The following B3GALNT2 variants were observed in gnomAD, a reference collection of about 807,000 sequenced individuals.
The protein encoded by B3GALNT2 is beta-1,3-N-acetylgalactosaminyltransferase 2.
In B3GALNT2, 53 loss-of-function variants were observed where a neutral mutation model predicts 61.1. That is an observed-to-expected ratio of 0.87 (90% CI 0.70 to 1.09). The LOEUF (loss-of-function observed/expected upper bound fraction) is 1.09, where lower values mean the gene tolerates loss of function less well. Among genes scored for constraint, B3GALNT2 ranks in the 50% least tolerant of loss-of-function variants. The probability of loss-of-function intolerance (pLI) is 0.00; values close to 1 mark genes in which losing one functional copy is unlikely to be tolerated. For synonymous variants in B3GALNT2, 223 were observed against 237.4 expected (o/e 0.94, Z 0.56); for missense variants, 544 against 623.0 (o/e 0.87, Z 1.35).
chr1:235,485,394 G>A (rs932213324), intron 3 of B3GALNT2, among the ~76,000 whole-genome samples: 16 of 152,182 alleles, frequency 1.1e-4, no homozygotes, highest in Non-Finnish European at 2.2e-4. Context: ...GCTTATTGCA[G>A]TCTCAACCTC....
chr1:235,487,728 A>G (rs559327946), intron 3 of B3GALNT2, among the ~76,000 whole-genome samples: 1 of 152,330 alleles, frequency 6.6e-6, no homozygotes, highest in East Asian at 1.9e-4. Context: ...AAACTTATCA[A>G]CTTCCTAAAA....
chr1:235,479,856 C>T (rs1684471628), intron 5 of B3GALNT2, 198 bp downstream of exon 5: 2 of 838,774 alleles, frequency 2.4e-6, no homozygotes, highest in Non-Finnish European at 3.3e-6. Context: ...GTTTTGGAAC[C>T]TCTGAGGCCT....
At chr1:235,489,346 GC>G in intron 2 of B3GALNT2, 78 bp from the exon 3 acceptor site, 2 of 1,572,846 alleles carry the variant, frequency 1.3e-6, no homozygotes, top group Non-Finnish European at 1.7e-6. Flanking sequence ...CCATTTCAGA[GC>G]TTTTACTTTG....
Position 235,458,606 on chromosome 1 carries a change from C to A in B3GALNT2, c.1022G>T (p.Arg341Ile). 6.2e-7 allele frequency: 1 copy of A among 1,600,476 alleles called. No homozygotes were observed. Among genetic ancestry groups the A allele is most frequent in the Non-Finnish European group, 8.5e-7 (1 of 1,175,700 alleles). Reference protein sequence around the residue: ...NVPAKLLNFYRWTVETTSFNL... With the variant: ...NVPAKLLNFYIWTVETTSFNL... ...ACCCAACATTTTTACAACCTACCAT[C>A]TATAGAAGTTCAATAATTTTGCAGG... Residue 341 changes from arginine to isoleucine, a missense_variant, in exon 8 of 12, where the codon AGA (arginine) becomes ATA (isoleucine). Arg to Ile is a moderately conservative substitution (Grantham distance 97). Coordinates refer to ENST00000366600, the MANE Select transcript of B3GALNT2 (RefSeq NM_152490.5).
downstream of B3GALNT2, among the ~76,000 whole-genome samples, chr1:235,445,542 G>A (rs1682197068): frequency 6.6e-6 from 1 of 152,146 alleles, no homozygotes; most frequent in East Asian, 1.9e-4. Context: ...CGGCTGAGGT[G>A]GGAGGATCAC....
chr1:235,441,730 C>T, the B3GALNT2 span: 5 of 1,297,256 alleles, frequency 3.9e-6, no homozygotes, highest in Non-Finnish European at 5.5e-6. Context: ...TGGACGCTTA[C>T]CTATCCTTTG....
chr1:235,484,540 T>C (rs1209202835), intron 3 of B3GALNT2, 25 bp from the exon 4 acceptor site: 1 of 1,604,956 alleles, frequency 6.2e-7, no homozygotes, highest in East Asian at 2.2e-5. Context: ...CAGGTTTATA[T>C]AACTGAACAA....
At position 235,454,187 on chromosome 1, in the gene B3GALNT2, GC is replaced by G; in HGVS notation, c.1279del (p.Ala427GlnfsTer7). 7 of 1,611,820 alleles carry G rather than the reference GC, an allele frequency of 4.3e-6. No homozygotes were observed. Among genetic ancestry groups the G allele is most frequent in the Non-Finnish European group, 5.9e-6 (7 of 1,178,996 alleles). On this transcript the variant is annotated frameshift_variant, in exon 10 of 12. Coordinates refer to ENST00000366600, the MANE Select transcript of B3GALNT2 (RefSeq NM_152490.5). LOFTEE classifies it high-confidence loss of function. ...VISKDIVKWL[A>X]SNSGRLKTYQ... is the part of the protein sequence containing the mutation. ...GGTCTTTAACCTCCCCGAGTTGCTT[GC>G]CAGCCACTTGACGATGTCCTTGGAG...
chr1:235,453,048 C>A, intron 11 of B3GALNT2, 42 bp downstream of exon 11: 1 of 1,531,704 alleles, frequency 6.5e-7, no homozygotes, highest in Non-Finnish European at 9.0e-7. Context: ...AAATCCACCT[C>A]CTCAACTCTT....
At chr1:235,465,802 G>C (rs1683666583) in intron 6 of B3GALNT2, 88 bp from the exon 7 acceptor site, 1 of 1,477,308 alleles carries the variant, frequency 6.8e-7, no homozygotes, top group Admixed American at 1.8e-5. Context: ...ATCATAATAT[G>C]ACTCCACTTG....
intron 4 of B3GALNT2, among the ~76,000 whole-genome samples, chr1:235,483,334 C>T (rs565751739): frequency 6.6e-6 from 1 of 152,298 alleles, no homozygotes; most frequent in African/African-American, 2.4e-5. Flanking sequence ...CGAGCGAAGT[C>T]AGAAAAGGTT....
chr1:235,453,633 G>C (rs1683031855), intron 10 of B3GALNT2, among the ~76,000 whole-genome samples: 1 of 152,052 alleles, frequency 6.6e-6, no homozygotes, highest in Non-Finnish European at 1.5e-5. Context: ...TTTTAGTAGA[G>C]ATAGGGTTTT....
At chr1:235,442,909 C>G (rs114972093), downstream of B3GALNT2, 2 of 1,614,016 alleles carry the variant, frequency 1.2e-6, no homozygotes, top group Admixed American at 3.3e-5. Flanking sequence ...AAACAACTGC[C>G]GGGTAAGAAG....
intron 1 of B3GALNT2, among the ~76,000 whole-genome samples, chr1:235,495,935 T>C (rs1474871910): frequency 6.6e-6 from 1 of 152,214 alleles, no homozygotes; most frequent in African/African-American, 2.4e-5. Flanking sequence ...AAACAGATCT[T>C]TCTACTAGGA....
chr1:235,441,891 CTCAGAT>C, the B3GALNT2 span: 10 of 1,612,854 alleles, frequency 6.2e-6, no homozygotes, highest in Admixed American at 6.7e-5. Context: ...AAGTAAGAAT[CTCAGAT>C]TCAAATAGTT....
chr1:235,500,984 C>A (rs1685555267), intron 1 of B3GALNT2, among the ~76,000 whole-genome samples: 1 of 152,182 alleles, frequency 6.6e-6, no homozygotes, highest in Non-Finnish European at 1.5e-5. Context: ...CCATTAGATA[C>A]TGTGAGCACC....
At chr1:235,475,000 T>A (rs1684202255) in intron 5 of B3GALNT2, among the ~76,000 whole-genome samples, 1 of 105,216 alleles carries the variant, frequency 9.5e-6, no homozygotes, top group Admixed American at 1.0e-4. Context: ...TTTTTTTTTT[T>A]TTTTTTTTTT....
Position 235,448,985 on chromosome 1 carries a change from T to G in B3GALNT2, c.*1221A>C, listed in dbSNP as rs1189330527. 1 of 461,166 alleles carries G rather than the reference T, an allele frequency of 2.2e-6. No homozygotes were observed. The highest frequency in any genetic ancestry group is 2.0e-5 in the African/African-American group (1 of 50,726). The allele number at this position is 461,166 out of a possible 1,614,324, so 28.6% of individuals were successfully genotyped here. ...ACCTACTAATGATTTTCTGATCTTATTTCATATTTATTTTTACAGCTCATC... is the reference window on the plus strand; with the variant it reads ...ACCTACTAATGATTTTCTGATCTTAGTTCATATTTATTTTTACAGCTCATC... On this transcript the variant is annotated 3_prime_UTR_variant, in exon 12 of 12. Coordinates refer to ENST00000366600, the MANE Select transcript of B3GALNT2 (RefSeq NM_152490.5).
chr1:235,469,144 C>G (rs1683866859), intron 6 of B3GALNT2, among the ~76,000 whole-genome samples: 2 of 152,148 alleles, frequency 1.3e-5, no homozygotes, highest in African/African-American at 4.8e-5. Flanking sequence ...ACTAGTATGT[C>G]TATTTTACCC....
Sources: allele counts gnomAD v4.1 joint callset (sites outside exome capture counted in the v4.1 genomes callset), GRCh38; gene constraint gnomAD v4.1.1; transcripts MANE v1.5; gene names NCBI Gene and HGNC (gene_info 2026-07-23, HGNC 2026-07-21).